The following GCNT4 variants were observed in gnomAD, a reference collection of about 807,000 sequenced individuals.
The protein encoded by GCNT4 is beta-1,3-galactosyl-O-glycosyl-glycoprotein beta-1,6-N-acetylglucosaminyltransferase 4.
Under a neutral mutation model 31.3 loss-of-function variants are expected in GCNT4, and 17 were observed. The observed-to-expected ratio is 0.54, with a 90% confidence interval of 0.37 to 0.81. The LOEUF (loss-of-function observed/expected upper bound fraction) is 0.81, where lower values mean the gene tolerates loss of function less well. GCNT4 is among the 40% of genes least tolerant of loss of function. GCNT4 has a pLI of 0.00. For missense variants in GCNT4, 503 were observed against 525.5 expected (o/e 0.96, Z 0.42); for synonymous variants, 158 against 190.6 (o/e 0.83, Z 1.41).
At chr5:75,039,826 T>A (rs1206873880) in intron 3 of GCNT4, among the ~76,000 whole-genome samples, 4 of 152,214 alleles carry the variant, frequency 2.6e-5, no homozygotes, top group African/African-American at 9.7e-5. Flanking sequence ...CCAAAATGAT[T>A]TTTTAAACAT....
the GCNT4 span, among the ~76,000 whole-genome samples, chr5:75,017,729 A>G: frequency 0.26 from 39,250 of 151,960 alleles, 5,787 homozygotes; most frequent in African/African-American, 0.41. Flanking sequence ...TCCCGTGACC[A>G]TGCCGCACCT....
chr5:75,020,315 CAG>C, the GCNT4 span, among the ~76,000 whole-genome samples: 2 of 152,102 alleles, frequency 1.3e-5, no homozygotes, highest in African/African-American at 4.8e-5. Context: ...TGCTGCTGCC[CAG>C]AGAGAGAGTA....
At chr5:75,030,953 T>C (rs182817780) in intron 3 of GCNT4, 4 of 166,938 alleles carry the variant, frequency 2.4e-5, no homozygotes, top group Middle Eastern at 3.4e-3. Flanking sequence ...ACTCTGCATG[T>C]ACATGCCAAT....
At chr5:75,022,880 C>G (rs1166190444), downstream of GCNT4, among the ~76,000 whole-genome samples, 4 of 152,176 alleles carry the variant, frequency 2.6e-5, no homozygotes, top group Admixed American at 6.5e-5. Flanking sequence ...TCAGCTATAA[C>G]AAACATTCTA....
chr5:75,052,863 C>T (rs1441806585), upstream of GCNT4: 2 of 152,690 alleles, frequency 1.3e-5, no homozygotes, highest in African/African-American at 4.8e-5. Flanking sequence ...CCCCCGGGCC[C>T]CCTGCGCCTC....
chr5:75,030,111 G>A, intron 3 of GCNT4, 73 bp from the exon 4 acceptor site: 4 of 1,419,644 alleles, frequency 2.8e-6, no homozygotes, highest in Non-Finnish European at 3.8e-6. Context: ...AAAATCTACT[G>A]GGCGCCTACC....
chr5:75,035,093 C>T (rs1349575953), intron 3 of GCNT4, among the ~76,000 whole-genome samples: 3 of 145,710 alleles, frequency 2.1e-5, no homozygotes, highest in African/African-American at 8.0e-5. Flanking sequence ...TAAGCGGACA[C>T]GACCGCATTC....
Position 75,026,619 on chromosome 5 carries a change from C to T in GCNT4, c.*2057G>A, listed in dbSNP as rs1742948913. On this transcript the variant is annotated 3_prime_UTR_variant, in exon 4 of 4. Transcript: ENST00000652361. ...ATAGTTTGTACCTATTTTCAAACCA[C>T]TTCATATACTATTTCAATCGATTCT... 1 of 127,944 alleles carries T rather than the reference C, an allele frequency of 7.8e-6. No homozygotes were observed. Among genetic ancestry groups the T allele is most frequent in the Non-Finnish European group, 1.6e-5 (1 of 64,208 alleles). The allele number at this position is 127,944 out of a possible 1,614,324, so 7.9% of individuals were successfully genotyped here.
Position 75,028,624 on chromosome 5 carries a change from C to CACACTG in GCNT4, c.*46_*51dup, listed in dbSNP as rs1326236189. The CACACTG allele has an allele frequency of 7.2e-6, 11 of 1,520,792 alleles. No individual in the cohort carries two copies. The allele number at this position is 1,520,792 out of a possible 1,614,324, so 94.2% of individuals were successfully genotyped here. On this transcript the variant is annotated 3_prime_UTR_variant, in exon 4 of 4. Transcript: ENST00000652361. ...TTGGGCATAGTATGGTATTCAATTC[C>CACACTG]ACACTGACTCCATTTATCAGGCACC... is the stretch of plus-strand genomic sequence containing the variant.
At chr5:75,050,857 C>T (rs1462024209) in intron 2 of GCNT4, among the ~76,000 whole-genome samples, 1 of 152,160 alleles carries the variant, frequency 6.6e-6, no homozygotes, top group Admixed American at 6.5e-5. Flanking sequence ...CTCCTGCACC[C>T]TCTGACCCAG....
At chr5:75,033,673 A>ATTTTTTTT (rs772607869) in intron 3 of GCNT4, among the ~76,000 whole-genome samples, 1 of 145,460 alleles carries the variant, frequency 6.9e-6, no homozygotes. Context: ...TTATTTATTT[A>ATTTTTTTT]TTTTTTTTTT....
downstream of GCNT4, among the ~76,000 whole-genome samples, chr5:75,022,970 C>T (rs183403240): frequency 1.3e-5 from 2 of 152,262 alleles, no homozygotes; most frequent in Admixed American, 6.5e-5. Context: ...GATGTCCCAC[C>T]CAGTGACTTA....
At position 75,029,187 on chromosome 5, in the gene GCNT4, C is replaced by A. The variant is rs1210664386; in HGVS notation, c.851G>T (p.Arg284Met). The part of the protein sequence containing the change: ...VPYEYVKLPI[R>M]TNISKEAPPH... ...GGGTGCTTCCTTGGAGATGTTTGTC[C>A]TTATTGGTAGCTTCACATATTCATA... Residue 284 changes from arginine (R) to methionine (M), a missense_variant, in exon 4 of 4, where the codon AGG becomes ATG. Transcript: ENST00000652361. 1 of 1,613,890 alleles carries A rather than the reference C, an allele frequency of 6.2e-7. No homozygotes were observed. Among genetic ancestry groups the A allele is most frequent in the Non-Finnish European group, 8.5e-7 (1 of 1,180,010 alleles).
rs951856939 is a variant in GCNT4, at chr5:75,027,516, T to C, written c.*1160A>G. The C allele has an allele frequency of 2.0e-5, 3 of 150,464 alleles. No homozygotes were observed. Among genetic ancestry groups the C allele is most frequent in the Non-Finnish European group, 4.4e-5 (3 of 67,644 alleles). 9.3% of individuals were successfully genotyped at this position (150,464 alleles called of 1,614,324 possible). ...TTTTAGAAAATATCCTTAATGAATATTCTTGCTGTGTCCTTAGGAAAATTA... is the reference window on the plus strand; with the variant it reads ...TTTTAGAAAATATCCTTAATGAATACTCTTGCTGTGTCCTTAGGAAAATTA... On this transcript the variant is annotated 3_prime_UTR_variant, in exon 4 of 4. Transcript: ENST00000652361.
At chr5:75,037,687 G>C (rs767617696) in intron 3 of GCNT4, among the ~76,000 whole-genome samples, 8 of 151,982 alleles carry the variant, frequency 5.3e-5, no homozygotes, top group South Asian at 2.1e-4. Context: ...GACCAGCCTG[G>C]TCAACATGGT....
chr5:75,046,872 C>T lies in GCNT4; in HGVS notation c.-2+1025G>A, dbSNP rs143252814. ...GCAGGTACAAGACCATTCTGCCCTT[C>T]GTGCCGTTTCTTAGATGCAGGAGAT... On this transcript the variant is annotated intron_variant, in intron 3 of 3. Coordinates refer to ENST00000652361, the MANE Select transcript of GCNT4 (RefSeq NM_001366737.1). 1.4e-3 allele frequency among the ~76,000 whole-genome samples: 220 copies of T among 152,334 alleles called. 1 individual carries two copies. The highest frequency in any genetic ancestry group is 5.0e-3 in the African/African-American group (207 of 41,578).
At chr5:75,017,832 C>T in the GCNT4 span, among the ~76,000 whole-genome samples, 1 of 152,178 alleles carries the variant, frequency 6.6e-6, no homozygotes, top group Non-Finnish European at 1.5e-5. Flanking sequence ...TCATTAGAAT[C>T]CCCTGGGAGC....
downstream of GCNT4, among the ~76,000 whole-genome samples, chr5:75,020,601 G>A (rs1041131841): frequency 2.0e-5 from 3 of 151,928 alleles, no homozygotes; most frequent in Non-Finnish European, 4.4e-5. Context: ...TCAGCTATTC[G>A]CCCATCCACC....
intron 3 of GCNT4, chr5:75,030,524 C>G (rs1213745028): frequency 5.9e-6 from 1 of 169,004 alleles, no homozygotes; most frequent in African/African-American, 2.4e-5. Flanking sequence ...GCCCAGGGAA[C>G]CCCACGTTCA....
Sources: gnomAD v4.1 joint callset for allele counts (sites outside exome capture counted in the v4.1 genomes callset) on GRCh38, gnomAD v4.1.1 for gene constraint, MANE v1.5 for transcripts, NCBI Gene and HGNC (gene_info 2026-07-23, HGNC 2026-07-21) for gene names.